The following IRAG1 variants were observed in gnomAD, a reference collection of about 807,000 sequenced individuals.
The protein encoded by IRAG1 is inositol 1,4,5-triphosphate receptor associated 1.
A neutral mutation model predicts 106.2 loss-of-function variants in IRAG1; 62 were observed. That is an observed-to-expected ratio of 0.58 (90% CI 0.48 to 0.72). IRAG1 has a LOEUF of 0.72. Among genes scored for constraint, IRAG1 ranks in the 30% least tolerant of loss-of-function variants. The pLI is 0.00. For synonymous variants in IRAG1, 462 were observed against 443.9 expected (o/e 1.04, Z -0.51); for missense variants, 1,064 against 1,140.7 (o/e 0.93, Z 0.97).
intron 10 of IRAG1, among the ~76,000 whole-genome samples, chr11:10,613,495 C>G (rs1855150603): frequency 6.6e-6 from 1 of 152,160 alleles, no homozygotes; most frequent in East Asian, 1.9e-4. Flanking sequence ...TGAACTCTTT[C>G]AGGAAAATTG....
chr11:10,644,243 T>G (rs1286455110), intron 2 of IRAG1, among the ~76,000 whole-genome samples: 1 of 152,198 alleles, frequency 6.6e-6, no homozygotes, highest in Admixed American at 6.5e-5. Flanking sequence ...GACAATTACA[T>G]AAACTCTCAG....
chr11:10,590,313 C>T (rs186565603), intron 18 of IRAG1, among the ~76,000 whole-genome samples: 5 of 152,228 alleles, frequency 3.3e-5, no homozygotes, highest in East Asian at 1.9e-4. Context: ...CTCTATAACA[C>T]GAAGGACCTG....
chr11:10,576,646 C>A, intron 20 of IRAG1, 71 bp from the exon 21 acceptor site: 1 of 1,576,364 alleles, frequency 6.3e-7, no homozygotes, highest in Middle Eastern at 1.7e-4. Context: ...ACCCACAGTT[C>A]TCTCTGCGGA....
chr11:10,606,822 A>G, intron 11 of IRAG1, 50 bp from the exon 12 acceptor site: 1 of 1,517,778 alleles, frequency 6.6e-7, no homozygotes, highest in African/African-American at 1.4e-5. Flanking sequence ...TAGTCAATAG[A>G]CCCAAAGGTG....
chr11:10,574,554 G>A lies in IRAG1; in HGVS notation c.*1778C>T, dbSNP rs1024601251. 1 of 152,202 alleles carries A rather than the reference G, an allele frequency of 6.6e-6. No individual in the cohort carries two copies. Among genetic ancestry groups the A allele is most frequent in the Non-Finnish European group, 1.5e-5 (1 of 68,060 alleles). 9.4% of individuals were successfully genotyped at this position (152,202 alleles called of 1,614,324 possible). A position where few individuals can be genotyped will look rare whatever the true frequency, so the allele number is the denominator to read the frequency against. ...AGGAGTGTGTGACCTATTATGTTGT[G>A]TCTGGTGAGGAGTATGGAAGGAAGG... On this transcript the variant is annotated 3_prime_UTR_variant, in exon 21 of 21. Transcript: ENST00000423302.
chr11:10,589,762 C>T (rs1852429860), intron 18 of IRAG1, among the ~76,000 whole-genome samples: 2 of 152,196 alleles, frequency 1.3e-5, no homozygotes, highest in Non-Finnish European at 2.9e-5. Flanking sequence ...GTCCATATCT[C>T]TCCAGGTTCT....
At chr11:10,648,716 T>C (rs185119548) in intron 2 of IRAG1, among the ~76,000 whole-genome samples, 11 of 152,236 alleles carry the variant, frequency 7.2e-5, no homozygotes, top group Admixed American at 5.9e-4. Flanking sequence ...AAGTGCATTG[T>C]TGGGGGGCTT....
chr11:10,621,928 G>A (rs1855866523), intron 10 of IRAG1, among the ~76,000 whole-genome samples: 1 of 152,120 alleles, frequency 6.6e-6, no homozygotes, highest in African/African-American at 2.4e-5. Context: ...GAAAGTAGAA[G>A]GTGATCACCA....
At chr11:10,591,882 G>A (rs1852714298) in intron 17 of IRAG1, among the ~76,000 whole-genome samples, 1 of 152,252 alleles carries the variant, frequency 6.6e-6, no homozygotes, top group South Asian at 2.1e-4. Flanking sequence ...ACATCTTGAG[G>A]CTCCATTCTG....
At chr11:10,622,049 G>C (rs988058324) in intron 10 of IRAG1, among the ~76,000 whole-genome samples, 1 of 152,160 alleles carries the variant, frequency 6.6e-6, no homozygotes, top group Admixed American at 6.5e-5. Flanking sequence ...TTCATAATAT[G>C]AATGTACTTA....
intron 10 of IRAG1, among the ~76,000 whole-genome samples, chr11:10,618,942 T>G (rs1383251950): frequency 2.0e-5 from 3 of 152,148 alleles, no homozygotes; most frequent in Non-Finnish European, 4.4e-5. Context: ...TTGGCCATGG[T>G]GTGAGCTGGG....
intron 20 of IRAG1, among the ~76,000 whole-genome samples, chr11:10,577,735 C>T (rs1850969877): frequency 6.6e-6 from 1 of 152,168 alleles, no homozygotes; most frequent in South Asian, 2.1e-4. Context: ...AAATGCCCTC[C>T]TTAGAAAGGG....
At chr11:10,687,244 C>A (rs1227824083) in intron 1 of IRAG1, among the ~76,000 whole-genome samples, 7 of 152,116 alleles carry the variant, frequency 4.6e-5, no homozygotes, top group Admixed American at 3.3e-4. Context: ...TGGGCTTTAG[C>A]CAGGCCCTCA....
At chr11:10,663,561 C>A (rs2135037566) in intron 1 of IRAG1, among the ~76,000 whole-genome samples, 1 of 152,294 alleles carries the variant, frequency 6.6e-6, no homozygotes, top group South Asian at 2.1e-4. Context: ...GCCACCTCCT[C>A]CAGGAAGGCT....
At chr11:10,687,749 C>G in intron 1 of IRAG1, 2 of 1,289,000 alleles carry the variant, frequency 1.6e-6, no homozygotes, top group Non-Finnish European at 2.0e-6. Flanking sequence ...AGCCTCAAAC[C>G]CAGTGCAGAA....
chr11:10,622,025 A>G (rs1855872619), intron 10 of IRAG1, among the ~76,000 whole-genome samples: 1 of 152,188 alleles, frequency 6.6e-6, no homozygotes, highest in Admixed American at 6.5e-5. Flanking sequence ...CTAGAAATGG[A>G]TAGTGGTGAT....
At chr11:10,617,246 C>T (rs1855505393) in intron 10 of IRAG1, 1 of 951,398 alleles carries the variant, frequency 1.1e-6, no homozygotes, top group African/African-American at 1.8e-5. Flanking sequence ...CCACCATTTA[C>T]TGAACATCAA....
At position 10,576,263 on chromosome 11, in the gene IRAG1, C is replaced by T. The variant is rs1474664650; in HGVS notation, c.*69G>A. ...GCAGTGTGTCCACACTTGGGCCTGA[C>T]GTTATACTTGGGGAAAGGGTGGTAG... On this transcript the variant is annotated 3_prime_UTR_variant, in exon 21 of 21. Coordinates refer to ENST00000423302, the MANE Select transcript of IRAG1 (RefSeq NM_130385.4). 14 of 1,595,668 alleles carry T rather than the reference C, an allele frequency of 8.8e-6. No individual in the cohort carries two copies. Among genetic ancestry groups the T allele is most frequent in the South Asian group, 1.1e-5 (1 of 89,260 alleles).
chr11:10,584,331 T>G (rs1242932125), intron 18 of IRAG1, among the ~76,000 whole-genome samples: 1 of 152,064 alleles, frequency 6.6e-6, no homozygotes, highest in East Asian at 1.9e-4. Context: ...AAAATTTACA[T>G]TTAGTCAGGC....
Sources: allele counts gnomAD v4.1 joint callset (sites outside exome capture counted in the v4.1 genomes callset), GRCh38; gene constraint gnomAD v4.1.1; transcripts MANE v1.5; gene names NCBI Gene and HGNC (gene_info 2026-07-23, HGNC 2026-07-21).